Variants in ZMYND11 observed in about 807,000 individuals in gnomAD.
The protein encoded by ZMYND11 is zinc finger MYND domain-containing protein 11.
Under a neutral mutation model 84.9 loss-of-function variants are expected in ZMYND11, and 9 were observed. The observed-to-expected ratio is 0.11, with a 90% confidence interval of 0.06 to 0.18. ZMYND11 has a LOEUF of 0.18. Ranked by LOEUF, ZMYND11 falls within the 10% of genes least tolerant of loss-of-function variation. The pLI, the probability that ZMYND11 is intolerant of heterozygous loss-of-function variation, is 1.00. For synonymous variants in ZMYND11, 250 were observed against 244.1 expected, an observed-to-expected ratio of 1.02 and a Z score of -0.23; for missense variants, 409 against 761.0, an observed-to-expected ratio of 0.54 and a Z score of 5.44.
chr10:186,247 C>A (rs1365659093), intron 2 of ZMYND11, among the ~76,000 whole-genome samples: 2 of 151,694 alleles, frequency 1.3e-5, no homozygotes, highest in African/African-American at 4.8e-5. Flanking sequence ...TCCTGACCTT[C>A]TGATCTGCCC....
chr10:207,064 C>T (rs959583343), intron 2 of ZMYND11, among the ~76,000 whole-genome samples: 23 of 152,180 alleles, frequency 1.5e-4, no homozygotes, highest in Non-Finnish European at 2.6e-4. Flanking sequence ...GTTCAATTCC[C>T]ATCTATGAGT....
chr10:239,673 GAT>G, intron 7 of ZMYND11, 148 bp downstream of exon 7: 1 of 675,282 alleles, frequency 1.5e-6, no homozygotes, highest in South Asian at 2.1e-5. Context: ...AATATCTGGT[GAT>G]ATAGATTATA....
At chr10:166,228 A>C (rs1843984948) in intron 1 of ZMYND11, among the ~76,000 whole-genome samples, 1 of 152,170 alleles carries the variant, frequency 6.6e-6, no homozygotes, top group South Asian at 2.1e-4. Context: ...ATGAGCAACA[A>C]AAGAAAAAAT....
intron 2 of ZMYND11, among the ~76,000 whole-genome samples, chr10:185,512 G>C (rs1331606159): frequency 5.9e-5 from 8 of 135,746 alleles, no homozygotes; most frequent in African/African-American, 2.1e-4. Flanking sequence ...AAAAAAAAGC[G>C]TGGTGGGGGT....
intron 4 of ZMYND11, among the ~76,000 whole-genome samples, chr10:222,950 T>C (rs1458477997): frequency 1.3e-5 from 2 of 152,208 alleles, no homozygotes; most frequent in African/African-American, 4.8e-5. Flanking sequence ...ACAATTATTA[T>C]ACCTTTGAAG....
intron 14 of ZMYND11, chr10:249,452 T>G: frequency 2.0e-6 from 2 of 985,322 alleles, no homozygotes; most frequent in South Asian, 9.4e-5. Flanking sequence ...ATGGTGAAAT[T>G]ATAAATGTAA....
At chr10:233,335 T>C (rs1949344126) in intron 4 of ZMYND11, among the ~76,000 whole-genome samples, 1 of 152,192 alleles carries the variant, frequency 6.6e-6, no homozygotes, top group Non-Finnish European at 1.5e-5. Flanking sequence ...AGCTCGCTCT[T>C]GTCCCTGGGC....
intron 4 of ZMYND11, among the ~76,000 whole-genome samples, chr10:235,504 C>T (rs1488433239): frequency 6.6e-6 from 1 of 152,074 alleles, no homozygotes; most frequent in Non-Finnish European, 1.5e-5. Context: ...TCTGTCTTGG[C>T]CATGCGTCAG....
intron 2 of ZMYND11, 37 bp from the exon 3 acceptor site, chr10:209,852 T>G (rs745425614): frequency 6.3e-7 from 1 of 1,576,214 alleles, no homozygotes; most frequent in South Asian, 1.2e-5. Flanking sequence ...TTTTCAGTAC[T>G]GAAAGATTTT....
chr10:136,025 C>T (rs925799556), intron 1 of ZMYND11, among the ~76,000 whole-genome samples: 18 of 151,732 alleles, frequency 1.2e-4, no homozygotes, highest in Non-Finnish European at 2.4e-4. Flanking sequence ...TTTGTCGGCG[C>T]GGCACGTCGT....
At chr10:137,062 A>G (rs1010176735) in intron 1 of ZMYND11, among the ~76,000 whole-genome samples, 16 of 152,080 alleles carry the variant, frequency 1.1e-4, no homozygotes, top group African/African-American at 3.9e-4. Flanking sequence ...GTAGTACCCA[A>G]TGTCATATGC....
At chr10:228,412 A>G (rs751541687) in intron 4 of ZMYND11, among the ~76,000 whole-genome samples, 3 of 152,172 alleles carry the variant, frequency 2.0e-5, no homozygotes, top group Non-Finnish European at 2.9e-5. Context: ...GGTGTTTCCT[A>G]TATCAGGATG....
At chr10:158,539 C>T (rs1842221047) in intron 1 of ZMYND11, among the ~76,000 whole-genome samples, 1 of 151,436 alleles carries the variant, frequency 6.6e-6, no homozygotes, top group Non-Finnish European at 1.5e-5. Context: ...ACTTCAGCCT[C>T]CTGAGTAGCT....
intron 1 of ZMYND11, among the ~76,000 whole-genome samples, chr10:153,075 C>T (rs1194840843): frequency 1.3e-5 from 2 of 152,202 alleles, no homozygotes; most frequent in Non-Finnish European, 2.9e-5. Flanking sequence ...CCTATTGTCT[C>T]TCTGCCCTTG....
At chr10:145,288 A>G (rs1838550106) in intron 1 of ZMYND11, among the ~76,000 whole-genome samples, 2 of 150,366 alleles carry the variant, frequency 1.3e-5, no homozygotes, top group East Asian at 3.9e-4. Context: ...TTCTTTTTCC[A>G]TTTATTGGTT....
chr10:184,778 G>A (rs1275933647), intron 2 of ZMYND11, among the ~76,000 whole-genome samples: 1 of 152,096 alleles, frequency 6.6e-6, no homozygotes. Context: ...GGGCAGAGTG[G>A]TTCTGAATAC....
intron 1 of ZMYND11, among the ~76,000 whole-genome samples, chr10:164,537 A>C (rs1244952840): frequency 6.6e-6 from 1 of 152,208 alleles, no homozygotes; most frequent in African/African-American, 2.4e-5. Flanking sequence ...GCCATTACCC[A>C]TAGTATAAAG....
intron 9 of ZMYND11, 121 bp from the exon 10 acceptor site, chr10:241,900 A>G (rs1284268462): frequency 8.1e-7 from 1 of 1,239,816 alleles, no homozygotes; most frequent in African/African-American, 1.5e-5. Context: ...GTATGTGTTT[A>G]GGAGTTATGA....
intron 13 of ZMYND11, 85 bp from the exon 14 acceptor site, chr10:248,818 C>G (rs1952745634): frequency 1.0e-5 from 15 of 1,492,960 alleles, no homozygotes; most frequent in Non-Finnish European, 1.3e-5. Context: ...GTACCTCATG[C>G]AAGTTGTGTT....
Sources: gnomAD v4.1 joint callset for allele counts (sites outside exome capture counted in the v4.1 genomes callset) on GRCh38, gnomAD v4.1.1 for gene constraint, MANE v1.5 for transcripts, NCBI Gene and HGNC (gene_info 2026-07-23, HGNC 2026-07-21) for gene names.